TLN2: variants seen among roughly 807,000 people sequenced by gnomAD.
The protein encoded by TLN2 is talin 2, also known as talin-2.
In TLN2, 118 loss-of-function variants were observed where a neutral mutation model predicts 294.7. That is an observed-to-expected ratio of 0.40 (90% CI 0.34 to 0.47). The LOEUF is 0.47. TLN2 is among the 20% of genes least tolerant of loss of function. The pLI is 0.84. For missense variants in TLN2, 3,083 were observed against 3,282.2 expected, an observed-to-expected ratio of 0.94 and a Z score of 1.48; for synonymous variants, 1,431 against 1,304.5, an observed-to-expected ratio of 1.10 and a Z score of -2.09.
intron 57 of TLN2, among the ~76,000 whole-genome samples, chr15:62,838,530 G>A (rs898095091): frequency 8.5e-5 from 13 of 152,186 alleles, no homozygotes; most frequent in South Asian, 2.1e-4. Flanking sequence ...GCAGAACTCC[G>A]GCATGCCTCT....
At chr15:62,623,422 G>T (rs1319159018) in intron 3 of TLN2, among the ~76,000 whole-genome samples, 3 of 152,164 alleles carry the variant, frequency 2.0e-5, no homozygotes, top group Non-Finnish European at 4.4e-5. Flanking sequence ...TCTAGTGATG[G>T]TTCCATCTAC....
At chr15:62,699,450 T>C (rs2058574641) in intron 16 of TLN2, among the ~76,000 whole-genome samples, 1 of 152,102 alleles carries the variant, frequency 6.6e-6, no homozygotes, top group Admixed American at 6.5e-5. Flanking sequence ...TCTCAGGTGA[T>C]GCCAACACTG....
At chr15:62,505,174 G>A (rs936624907) in intron 1 of TLN2, among the ~76,000 whole-genome samples, 3 of 152,114 alleles carry the variant, frequency 2.0e-5, no homozygotes, top group Non-Finnish European at 2.9e-5. Flanking sequence ...GGCCAGGCCA[G>A]TCTCGAACTC....
intron 2 of TLN2, among the ~76,000 whole-genome samples, chr15:62,615,073 T>A (rs2048207104): frequency 6.6e-6 from 1 of 152,182 alleles, no homozygotes; most frequent in African/African-American, 2.4e-5. Context: ...CCCAAAGTGC[T>A]GGGATTGCAG....
At chr15:62,567,990 T>C (rs2043547255) in intron 1 of TLN2, among the ~76,000 whole-genome samples, 1 of 152,218 alleles carries the variant, frequency 6.6e-6, no homozygotes, top group African/African-American at 2.4e-5. Flanking sequence ...ATCTGTACCT[T>C]GTAACCATTT....
At chr15:62,662,643 T>TA (rs771539755) in intron 9 of TLN2, among the ~76,000 whole-genome samples, 1 of 152,154 alleles carries the variant, frequency 6.6e-6, no homozygotes, top group Non-Finnish European at 1.5e-5. Context: ...ACACTGGAGA[T>TA]ACAGCAGTGA....
At chr15:62,678,522 A>G (rs1322472943) in intron 11 of TLN2, among the ~76,000 whole-genome samples, 1 of 152,234 alleles carries the variant, frequency 6.6e-6, no homozygotes, top group East Asian at 1.9e-4. Flanking sequence ...CATACTTAAT[A>G]GAAATGCTAG....
chr15:62,616,726 G>T (rs1238635527), intron 2 of TLN2, among the ~76,000 whole-genome samples: 1 of 152,206 alleles, frequency 6.6e-6, no homozygotes, highest in Non-Finnish European at 1.5e-5. Context: ...GAGAGCCTTT[G>T]CTGTCTCATC....
chr15:62,633,282 T>C (rs2050084107), intron 3 of TLN2, among the ~76,000 whole-genome samples: 1 of 152,212 alleles, frequency 6.6e-6, no homozygotes, highest in Admixed American at 6.5e-5. Flanking sequence ...CACCAGCACC[T>C]GCATCTATGC....
intron 12 of TLN2, among the ~76,000 whole-genome samples, chr15:62,687,332 C>G (rs1164288809): frequency 5.9e-5 from 9 of 152,192 alleles, no homozygotes; most frequent in Non-Finnish European, 8.8e-5. Context: ...GTTACCTTTC[C>G]TCTCTGAGCC....
chr15:62,804,201 C>T (rs1399621176), intron 50 of TLN2, among the ~76,000 whole-genome samples: 1 of 152,196 alleles, frequency 6.6e-6, no homozygotes, highest in East Asian at 1.9e-4. Context: ...TTCTGACATG[C>T]ATAGGCAGGC....
At chr15:62,833,466 T>A (rs1458380080) in intron 54 of TLN2, 38 bp from the exon 55 acceptor site, 3 of 1,606,372 alleles carry the variant, frequency 1.9e-6, no homozygotes, top group East Asian at 2.2e-5. Context: ...CCTTTGTGGA[T>A]ATGAATTGAA....
At chr15:62,525,224 T>C (rs1477825815) in intron 1 of TLN2, among the ~76,000 whole-genome samples, 2 of 152,212 alleles carry the variant, frequency 1.3e-5, no homozygotes, top group African/African-American at 2.4e-5. Context: ...TTTATTAAAG[T>C]TGATTTGCTA....
At chr15:62,783,962 A>C in intron 45 of TLN2, 72 bp downstream of exon 45, 1 of 1,593,430 alleles carries the variant, frequency 6.3e-7, no homozygotes, top group Non-Finnish European at 8.6e-7. Context: ...ATTTCTTCAT[A>C]GCTTAGCTCC....
chr15:62,506,192 C>G (rs764706260), intron 1 of TLN2, among the ~76,000 whole-genome samples: 1 of 152,070 alleles, frequency 6.6e-6, no homozygotes, highest in Non-Finnish European at 1.5e-5. Context: ...GAAGAAGGGA[C>G]CTCTCTGTCC....
intron 1 of TLN2, among the ~76,000 whole-genome samples, chr15:62,474,519 G>C (rs1271696040): frequency 6.6e-6 from 1 of 152,084 alleles, no homozygotes; most frequent in South Asian, 2.1e-4. Context: ...GTGCATGCCT[G>C]TAGTCCTAGC....
intron 1 of TLN2, among the ~76,000 whole-genome samples, chr15:62,580,409 T>TCCCC (rs2044843091): frequency 7.2e-6 from 1 of 139,374 alleles, no homozygotes; most frequent in African/African-American, 2.6e-5. Context: ...TCTACCTCCC[T>TCCCC]CCCTCCCTCC....
chr15:62,469,889 C>T (rs1449150498), intron 1 of TLN2, among the ~76,000 whole-genome samples: 2 of 152,142 alleles, frequency 1.3e-5, no homozygotes, highest in Admixed American at 6.5e-5. Flanking sequence ...ATTTTGCCAT[C>T]TTTCCTGAGC....
In TLN2 at chr15:62,648,023, A is replaced by G. The variant is rs900401570; in HGVS notation, c.136+577A>G. 8.5e-5 allele frequency among the ~76,000 whole-genome samples: 13 copies of G among 152,282 alleles called. 1 individual carries two copies. Among genetic ancestry groups the G allele is most frequent in the East Asian group, 5.8e-4 (3 of 5,194 alleles). On this transcript the variant is annotated intron_variant, in intron 4 of 58. Transcript: ENST00000636159. ...TTTCCCCTTCCCTTTGTCTTCTCTC[A>G]ATTTGTCTTTCTTTTATTTAGTATT...
Sources: gnomAD v4.1 joint callset for allele counts (sites outside exome capture counted in the v4.1 genomes callset) on GRCh38, gnomAD v4.1.1 for gene constraint, MANE v1.5 for transcripts, NCBI Gene and HGNC (gene_info 2026-07-23, HGNC 2026-07-21) for gene names.